CLASP1: variants seen among roughly 807,000 people sequenced by gnomAD.
CLASP1 encodes the protein cytoplasmic linker associated protein 1, also known as CLIP-associating protein 1.
A neutral mutation model predicts 192.3 loss-of-function variants in CLASP1; 38 were observed. The observed-to-expected ratio is 0.20, with a 90% CI of 0.15 to 0.26. The LOEUF is 0.26. Among genes scored for constraint, CLASP1 ranks in the 10% least tolerant of loss-of-function variants. The pLI is 1.00. For synonymous variants in CLASP1, 691 were observed against 712.8 expected (o/e 0.97, Z 0.49); for missense variants, 1,433 against 1,932.5 (o/e 0.74, Z 4.85).
chr2:121,412,035 T>C (rs1198883893), intron 23 of CLASP1, among the ~76,000 whole-genome samples: 2 of 152,208 alleles, frequency 1.3e-5, no homozygotes, highest in Non-Finnish European at 2.9e-5. Context: ...GGGAAGCTAA[T>C]ATCTATTTTA....
intron 2 of CLASP1, among the ~76,000 whole-genome samples, chr2:121,546,644 G>A (rs2057459718): frequency 6.6e-6 from 1 of 151,978 alleles, no homozygotes; most frequent in East Asian, 1.9e-4. Flanking sequence ...CACTCCACCA[G>A]GGTCTTCAGT....
chr2:121,610,593 G>A (rs2065178465), intron 1 of CLASP1, among the ~76,000 whole-genome samples: 3 of 149,060 alleles, frequency 2.0e-5, no homozygotes, highest in Admixed American at 6.6e-5. Flanking sequence ...TGGAGAAGGA[G>A]GAGGAGGAGT....
exon 40 of CLASP1, chr2:121,338,980 G>A (rs1483107751): frequency 6.6e-6 from 1 of 152,566 alleles, no homozygotes; most frequent in Non-Finnish European, 1.5e-5. Context: ...TAAACAAACA[G>A]TACTTATCAA....
chr2:121,552,662 G>A (rs2058146979), intron 2 of CLASP1, among the ~76,000 whole-genome samples: 1 of 152,164 alleles, frequency 6.6e-6, no homozygotes, highest in Non-Finnish European at 1.5e-5. Context: ...CACACAGTCA[G>A]AATGGCTATT....
intron 2 of CLASP1, among the ~76,000 whole-genome samples, chr2:121,545,544 A>T (rs960909395): frequency 6.6e-6 from 1 of 152,056 alleles, no homozygotes; most frequent in Non-Finnish European, 1.5e-5. Flanking sequence ...GTGCTGTAGA[A>T]ATCTGGTCGG....
intron 2 of CLASP1, among the ~76,000 whole-genome samples, chr2:121,531,201 T>C (rs1423167299): frequency 6.6e-6 from 1 of 152,114 alleles, no homozygotes; most frequent in Non-Finnish European, 1.5e-5. Context: ...TTTACGCCGA[T>C]CATCAACTGT....
chr2:121,360,682 T>C (rs1347198886), intron 37 of CLASP1, among the ~76,000 whole-genome samples: 1 of 151,510 alleles, frequency 6.6e-6, no homozygotes, highest in Non-Finnish European at 1.5e-5. Context: ...TTATAGTGGC[T>C]CCTGGCAAAG....
chr2:121,579,107 T>C (rs1039434185), intron 2 of CLASP1, among the ~76,000 whole-genome samples: 1 of 152,256 alleles, frequency 6.6e-6, no homozygotes, highest in East Asian at 1.9e-4. Flanking sequence ...CGTCACATCA[T>C]AACAACATTT....
chr2:121,646,819 T>C (rs2073250236), intron 1 of CLASP1, among the ~76,000 whole-genome samples: 3 of 143,950 alleles, frequency 2.1e-5, no homozygotes, highest in Non-Finnish European at 3.1e-5. Context: ...AGGCGGATCA[T>C]GAGGTCAGGA....
chr2:121,448,296 G>T (rs1490045495), exon 18 of CLASP1: 2 of 1,613,458 alleles, frequency 1.2e-6, no homozygotes, highest in South Asian at 2.2e-5. Flanking sequence ...GGTACTTCCA[G>T]TAGGACTTCT....
chr2:121,361,585 A>T (rs535477717), intron 37 of CLASP1, among the ~76,000 whole-genome samples: 26 of 152,192 alleles, frequency 1.7e-4, no homozygotes, highest in African/African-American at 6.3e-4. Flanking sequence ...TTAAAACATT[A>T]TGAAAATTTT....
intron 34 of CLASP1, among the ~76,000 whole-genome samples, chr2:121,368,134 A>T (rs1452744434): frequency 2.0e-5 from 3 of 152,084 alleles, no homozygotes; most frequent in Admixed American, 1.3e-4. Flanking sequence ...CCTTTCCTTG[A>T]GAAGGAAAGG....
intron 8 of CLASP1, among the ~76,000 whole-genome samples, chr2:121,502,163 G>A (rs2093774699): frequency 6.6e-6 from 1 of 151,948 alleles, no homozygotes. Flanking sequence ...GGCAACAATA[G>A]ACTACAATTG....
At chr2:121,556,489 G>C (rs957021910) in intron 2 of CLASP1, among the ~76,000 whole-genome samples, 10 of 152,066 alleles carry the variant, frequency 6.6e-5, no homozygotes, top group African/African-American at 2.4e-4. Flanking sequence ...AGATGTGCCA[G>C]ACTCCTTCCG....
At chr2:121,582,276 GGA>G (rs113201966) in intron 2 of CLASP1, among the ~76,000 whole-genome samples, 46 of 145,934 alleles carry the variant, frequency 3.2e-4, no homozygotes, top group African/African-American at 5.0e-4. Flanking sequence ...GACAGGAAAG[GGA>G]GAGAGAGAGA....
At chr2:121,425,348 G>T (rs779563324) in intron 21 of CLASP1, 42 bp from the exon 22 acceptor site, 1 of 1,575,524 alleles carries the variant, frequency 6.3e-7, no homozygotes, top group Admixed American at 1.8e-5. Flanking sequence ...AGATGTAAAT[G>T]TAGGAATGAA....
At chr2:121,533,452 GGTT>G (rs756781848) in intron 2 of CLASP1, among the ~76,000 whole-genome samples, 1 of 152,152 alleles carries the variant, frequency 6.6e-6, no homozygotes, top group South Asian at 2.1e-4. Flanking sequence ...CTGCCTCGTG[GGTT>G]GTTGTGAGGG....
At chr2:121,537,395 G>GAAA (rs563899822) in intron 2 of CLASP1, among the ~76,000 whole-genome samples, 6 of 128,588 alleles carry the variant, frequency 4.7e-5, no homozygotes, top group Non-Finnish European at 8.5e-5. Flanking sequence ...CTGTGTCCAA[G>GAAA]AAAAAAAAAA....
intron 10 of CLASP1, among the ~76,000 whole-genome samples, chr2:121,462,102 G>T (rs986536078): frequency 6.6e-6 from 1 of 151,398 alleles, no homozygotes; most frequent in Admixed American, 6.6e-5. Flanking sequence ...AATAATCTTT[G>T]TTTCATCTGT....
Sources: gnomAD v4.1 joint callset for allele counts (sites outside exome capture counted in the v4.1 genomes callset) on GRCh38, gnomAD v4.1.1 for gene constraint, MANE v1.5 for transcripts, NCBI Gene and HGNC (gene_info 2026-07-23, HGNC 2026-07-21) for gene names.